The following MRM1 variants were observed in gnomAD, a reference collection of about 807,000 sequenced individuals.
MRM1 encodes mitochondrial rRNA methyltransferase 1.
Under a neutral mutation model 25.0 loss-of-function variants are expected in MRM1, and 24 were observed. That is an observed-to-expected ratio of 0.96 (90% confidence interval 0.69 to 1.35). The LOEUF (loss-of-function observed/expected upper bound fraction) is 1.35, where lower values mean the gene tolerates loss of function less well. Ranked by LOEUF, MRM1 falls within the 40% of genes most tolerant of loss-of-function variation. The pLI is 0.00. For missense variants in MRM1, 431 were observed against 464.1 expected, an observed-to-expected ratio of 0.93 and a Z score of 0.65; for synonymous variants, 188 against 199.2, an observed-to-expected ratio of 0.94 and a Z score of 0.47.
In MRM1 at chr17:36,608,610, T is replaced by A. The variant is rs1567849338; in HGVS notation, c.*195T>A. ...TCCTGTTGTGATGTTGGACCTGTAG[T>A]AGGACATGGTGATTTGTTAATTTCC... On this transcript the variant is annotated 3_prime_UTR_variant, in exon 5 of 5. Coordinates refer to ENST00000614766, the MANE Select transcript of MRM1 (RefSeq NM_024864.5). 4.8e-6 allele frequency: 2 copies of A among 412,710 alleles called. No individual in the cohort carries two copies. Among genetic ancestry groups the A allele is most frequent in the African/African-American group, 2.0e-5 (1 of 48,884 alleles). The allele number at this position is 412,710 out of a possible 1,614,324, so 25.6% of individuals were successfully genotyped here. A position where few individuals can be genotyped will look rare whatever the true frequency, so the allele number is the denominator to read the frequency against.
the MRM1 span, among the ~76,000 whole-genome samples, chr17:36,621,325 C>A: frequency 6.6e-6 from 1 of 152,094 alleles, no homozygotes; most frequent in African/African-American, 2.4e-5. Flanking sequence ...GCAGACTCCG[C>A]ATCTAGAACC....
chr17:36,608,326 G>A lies in MRM1; in HGVS notation c.973G>A (p.Glu325Lys). The A allele has an allele frequency of 3.1e-6, 5 of 1,611,138 alleles. No homozygotes were observed. Among genetic ancestry groups the A allele is most frequent in the Non-Finnish European group, 4.2e-6 (5 of 1,178,690 alleles). Residue 325 changes from glutamate to lysine, a missense_variant, in exon 5 of 5, where the codon GAA becomes AAA. Coordinates refer to ENST00000614766, the MANE Select transcript of MRM1 (RefSeq NM_024864.5). ...AAGGCAGCTTCTCCAAGACCCCCAA[G>A]AACCCTCAGCCAGGTCTGAAGGGCT... The part of the protein sequence containing the change: ...ERRQLLQDPQ[E>K]PSARSEGLSM...
At position 36,602,690 on chromosome 17, in the gene MRM1, C is replaced by G; in HGVS notation, c.636+44C>G. The G allele has an allele frequency of 6.2e-7, 1 of 1,605,826 alleles. No homozygotes were observed. The highest frequency in any genetic ancestry group is 1.3e-5 in the African/African-American group (1 of 74,868). Reference sequence around the variant, plus strand: ...GGAAGGAACAGATGTGAGCCCAGCTCAGCCTCTTCAAGGGGACGAAGCTAG... The same window carrying G: ...GGAAGGAACAGATGTGAGCCCAGCTGAGCCTCTTCAAGGGGACGAAGCTAG... On this transcript the variant is annotated intron_variant, in intron 2 of 4. Transcript: ENST00000614766. This position sits in a 1 kb window ranked among gnomAD's most constrained non-coding sequence, Gnocchi z 4.1.
chr17:36,621,039 T>G, the MRM1 span, among the ~76,000 whole-genome samples: 1 of 152,182 alleles, frequency 6.6e-6, no homozygotes, highest in Non-Finnish European at 1.5e-5. Context: ...ATCCTAATTT[T>G]CTTCATCTGG....
intron 2 of MRM1, among the ~76,000 whole-genome samples, chr17:36,605,004 G>A (rs1171831066): frequency 6.6e-6 from 1 of 151,902 alleles, no homozygotes; most frequent in Non-Finnish European, 1.5e-5. Flanking sequence ...CCTGGGCATG[G>A]TGGCGGGCAC....
Position 36,601,597 on chromosome 17 carries a change from G to A in MRM1, c.-214G>A, listed in dbSNP as rs1227895963. The A allele has an allele frequency of 2.5e-5, 12 of 489,624 alleles. No homozygotes were observed. The highest frequency in any genetic ancestry group is 3.9e-5 in the Non-Finnish European group (11 of 285,216). The allele number at this position is 489,624 out of a possible 1,614,324, so 30.3% of individuals were successfully genotyped here. A position where few individuals can be genotyped will look rare whatever the true frequency, so the allele number is the denominator to read the frequency against. On this transcript the variant is annotated 5_prime_UTR_variant, in exon 1 of 5. Transcript: ENST00000614766. ...GGCGGGCTCCCGAACCCGGAAGCGA[G>A]GGACCCACGTGGGAGCCTGGGAGCG...
the MRM1 span, among the ~76,000 whole-genome samples, chr17:36,615,613 C>T: frequency 2.7e-5 from 4 of 150,692 alleles, no homozygotes; most frequent in Admixed American, 6.6e-5. Flanking sequence ...GAGCTGAGAT[C>T]GCGCTATTGC....
At chr17:36,609,679 CTGCTA>C (rs2074962840), downstream of MRM1, among the ~76,000 whole-genome samples, 1 of 152,206 alleles carries the variant, frequency 6.6e-6, no homozygotes, top group Non-Finnish European at 1.5e-5. Context: ...GCAATCCTGA[CTGCTA>C]TGTGACCTTG....
At chr17:36,634,525 G>A in the MRM1 span, 1 of 152,112 alleles carries the variant, frequency 6.6e-6, no homozygotes, top group Non-Finnish European at 1.5e-5. Flanking sequence ...ACCTAACATC[G>A]ACTCACACGG....
At chr17:36,613,407 G>C (rs17693404), downstream of MRM1, among the ~76,000 whole-genome samples, 25,045 of 152,086 alleles carry the variant, frequency 0.16, 2,559 homozygotes, top group Non-Finnish European at 0.23. Context: ...CTGATTAATG[G>C]TGTTTACAAA....
the MRM1 span, among the ~76,000 whole-genome samples, chr17:36,627,674 G>GTTTTTTTTTTTTTT: frequency 1.2e-5 from 1 of 83,728 alleles, no homozygotes; most frequent in African/African-American, 5.0e-5. Flanking sequence ...TTTGGACACT[G>GTTTTTTTTTTTTTT]TTTTTTTTTT....
chr17:36,604,995 C>G (rs1420541958), intron 2 of MRM1, among the ~76,000 whole-genome samples: 1 of 151,972 alleles, frequency 6.6e-6, no homozygotes, highest in African/African-American at 2.4e-5. Flanking sequence ...CAAAAATTAC[C>G]TGGGCATGGT....
chr17:36,605,172 A>G (rs1004259142), intron 2 of MRM1, among the ~76,000 whole-genome samples: 4 of 150,128 alleles, frequency 2.7e-5, no homozygotes, highest in Non-Finnish European at 5.9e-5. Context: ...AGAGAGAGAG[A>G]GAGATGGGGT....
chr17:36,608,514 A>C lies in MRM1; in HGVS notation c.*99A>C, dbSNP rs538548118. 4 of 520,848 alleles carry C rather than the reference A, an allele frequency of 7.7e-6. No homozygotes were observed. The highest frequency in any genetic ancestry group is 7.5e-5 in the East Asian group (1 of 13,320). The allele number at this position is 520,848 out of a possible 1,614,324, so 32.3% of individuals were successfully genotyped here. ...GGGAGCCTCTGCCTGAGTGTGCACC[A>C]GGCCCATGTTTATTGACCACAGTCT... is the stretch of plus-strand genomic sequence containing the variant. On this transcript the variant is annotated 3_prime_UTR_variant, in exon 5 of 5. Coordinates refer to ENST00000614766, the MANE Select transcript of MRM1 (RefSeq NM_024864.5).
At chr17:36,627,492 A>AC in the MRM1 span, among the ~76,000 whole-genome samples, 3 of 152,026 alleles carry the variant, frequency 2.0e-5, no homozygotes, top group African/African-American at 7.3e-5. Context: ...CCACCTGGTT[A>AC]CCCCTGGCCT....
rs755235639 is a variant in MRM1, at chr17:36,601,822, C to T, written c.12C>T (p.Leu4=). MAL[L]STVRGATWGR... ...GCGGGAGCTGCGCCATGGCATTGCT[C>T]TCGACCGTCCGGGGCGCGACCTGGG... Residue 4 remains leucine, a synonymous_variant, in exon 1 of 5, where the codon CTC becomes CTT. Coordinates refer to ENST00000614766, the MANE Select transcript of MRM1 (RefSeq NM_024864.5). 1 of 1,567,448 alleles carries T rather than the reference C, an allele frequency of 6.4e-7. No homozygotes were observed. Among genetic ancestry groups the T allele is most frequent in the African/African-American group, 1.3e-5 (1 of 74,238 alleles).
chr17:36,604,029 A>C (rs890802160), intron 2 of MRM1, among the ~76,000 whole-genome samples: 1 of 152,188 alleles, frequency 6.6e-6, no homozygotes, highest in Non-Finnish European at 1.5e-5. Flanking sequence ...TGACCTGGAG[A>C]GTGTCATCCG....
At chr17:36,604,693 C>T (rs1181412200) in intron 2 of MRM1, among the ~76,000 whole-genome samples, 1 of 151,996 alleles carries the variant, frequency 6.6e-6, no homozygotes, top group Non-Finnish European at 1.5e-5. Context: ...GTAGTCCCAG[C>T]TACTCGGGAG....
chr17:36,610,216 G>A (rs376699616), downstream of MRM1, among the ~76,000 whole-genome samples: 1 of 146,586 alleles, frequency 6.8e-6, no homozygotes, highest in East Asian at 2.0e-4. Context: ...GTGTGAACCT[G>A]GCCTAAAAAG....
Sources: gnomAD v4.1 joint callset for allele counts (sites outside exome capture counted in the v4.1 genomes callset) on GRCh38, gnomAD v4.1.1 for gene constraint, Gnocchi (gnomAD v3.1) non-coding constraint, MANE v1.5 for transcripts, NCBI Gene and HGNC (gene_info 2026-07-23, HGNC 2026-07-21) for gene names.